The following RIT2 variants were observed in gnomAD, a reference collection of about 807,000 sequenced individuals.
The protein encoded by RIT2 is GTP-binding protein Rit2.
In RIT2, 24 loss-of-function variants were observed where a neutral mutation model predicts 23.7. The observed-to-expected ratio is 1.01, with a 90% confidence interval of 0.73 to 1.43. RIT2 has a LOEUF of 1.43. Among genes scored for constraint, RIT2 ranks in the 40% most tolerant of loss-of-function variants. The pLI, the probability that RIT2 is intolerant of heterozygous loss-of-function variation, is 0.00. For synonymous variants in RIT2, 107 were observed against 91.1 expected, an observed-to-expected ratio of 1.17 and a Z score of -0.99; for missense variants, 236 against 266.9, an observed-to-expected ratio of 0.88 and a Z score of 0.81.
chr18:43,108,217 T>C (rs1913875007), intron 1 of RIT2, among the ~76,000 whole-genome samples: 1 of 150,808 alleles, frequency 6.6e-6, no homozygotes, highest in African/African-American at 2.4e-5. Flanking sequence ...TCAGGTTCAC[T>C]GTATCATGTC....
At chr18:42,887,627 T>C (rs1908057984) in intron 4 of RIT2, among the ~76,000 whole-genome samples, 1 of 152,192 alleles carries the variant, frequency 6.6e-6, no homozygotes, top group African/African-American at 2.4e-5. Context: ...TTAAGCATAC[T>C]CTTGTCATGC....
intron 1 of RIT2, among the ~76,000 whole-genome samples, chr18:43,085,508 C>T (rs1012058788): frequency 6.6e-6 from 1 of 152,096 alleles, no homozygotes; most frequent in Non-Finnish European, 1.5e-5. Flanking sequence ...CATTCTTCTC[C>T]TTTCCTACCA....
At chr18:42,853,077 G>A (rs189154347) in intron 4 of RIT2, among the ~76,000 whole-genome samples, 3 of 152,122 alleles carry the variant, frequency 2.0e-5, no homozygotes, top group Non-Finnish European at 1.5e-5. Context: ...CAGGCGACCC[G>A]CCAGCCTTGG....
intron 4 of RIT2, among the ~76,000 whole-genome samples, chr18:42,919,156 A>T (rs530352436): frequency 6.6e-6 from 1 of 152,314 alleles, no homozygotes; most frequent in East Asian, 1.9e-4. Context: ...GATGCTTGAT[A>T]GAACTCTAAA....
At chr18:43,058,937 C>T (rs1180977816) in intron 1 of RIT2, among the ~76,000 whole-genome samples, 8 of 151,970 alleles carry the variant, frequency 5.3e-5, no homozygotes, top group Non-Finnish European at 1.0e-4. Flanking sequence ...ACCCTTGAGC[C>T]TATTACTAAT....
In RIT2 at chr18:42,838,588, G is replaced by A. The variant is rs759277595; in HGVS notation, c.426+84984C>T. On this transcript the variant is annotated intron_variant, in intron 4 of 4. Coordinates refer to ENST00000326695, the MANE Select transcript of RIT2 (RefSeq NM_002930.4). Reference sequence around the variant, plus strand: ...GAAATTCAAGGAGGTCAAATGACTCGTCCCTGGTCACATAGCTACTAAGAG... The same window carrying A: ...GAAATTCAAGGAGGTCAAATGACTCATCCCTGGTCACATAGCTACTAAGAG... Among the ~76,000 whole-genome samples, 73 of 152,188 alleles carry A rather than the reference G, an allele frequency of 4.8e-4. 1 individual carries two copies. The highest frequency in any genetic ancestry group is 1.5e-3 in the African/African-American group (64 of 41,540).
At chr18:42,965,023 T>C (rs527383769) in intron 3 of RIT2, among the ~76,000 whole-genome samples, 1 of 152,298 alleles carries the variant, frequency 6.6e-6, no homozygotes, top group South Asian at 2.1e-4. Context: ...AACAACACAT[T>C]AATGACATTT....
At position 42,858,053 on chromosome 18, in the gene RIT2, C is replaced by T. The variant is rs532542392; in HGVS notation, c.426+65519G>A. 7.2e-5 allele frequency among the ~76,000 whole-genome samples: 11 copies of T among 152,062 alleles called. 1 individual carries two copies. The South Asian group carries it at 2.1e-3, about 29-fold the overall frequency. On this transcript the variant is annotated intron_variant, in intron 4 of 4. Transcript: ENST00000326695. ...AAAATTAGCTGGGCATGGTGGCGCG[C>T]GCCTGTAATCCCAGCTACTCAGGAG...
intron 1 of RIT2, among the ~76,000 whole-genome samples, chr18:43,073,962 C>A (rs1912954650): frequency 6.6e-6 from 1 of 152,044 alleles, no homozygotes. Flanking sequence ...TTATCAATGA[C>A]ATAGTGGGAG....
chr18:42,993,710 C>G (rs912662424), intron 2 of RIT2, among the ~76,000 whole-genome samples: 1 of 152,032 alleles, frequency 6.6e-6, no homozygotes. Flanking sequence ...TCATTGCCAC[C>G]TTTCCCCCAG....
chr18:42,790,466 G>A (rs1261560871), intron 4 of RIT2, among the ~76,000 whole-genome samples: 5 of 152,030 alleles, frequency 3.3e-5, no homozygotes, highest in Admixed American at 6.6e-5. Context: ...TTTTTGAGAC[G>A]GAGTCTCACT....
At chr18:42,841,307 C>G (rs1906761590) in intron 4 of RIT2, among the ~76,000 whole-genome samples, 1 of 152,154 alleles carries the variant, frequency 6.6e-6, no homozygotes, top group Admixed American at 6.6e-5. Context: ...TGCATAATAG[C>G]AGCTTTTCAT....
At chr18:43,063,171 A>G (rs1221696969) in intron 1 of RIT2, among the ~76,000 whole-genome samples, 2 of 152,196 alleles carry the variant, frequency 1.3e-5, no homozygotes, top group Non-Finnish European at 1.5e-5. Context: ...TTTGAGTAAA[A>G]AAGAGATAAT....
In RIT2 at chr18:42,743,342, A is replaced by C. The variant is rs2144807375; in HGVS notation, c.*151T>G. On this transcript the variant is annotated 3_prime_UTR_variant, in exon 5 of 5. Transcript: ENST00000326695. ...AAAGGCAAAACAAAACTATCTCAAG[A>C]GGTACAGATATGCAGAGCTTGCTTT... 1.6e-6 allele frequency: 1 copy of C among 629,576 alleles called. No homozygotes were observed. The highest frequency in any genetic ancestry group is 2.7e-5 in the East Asian group (1 of 36,726). The allele number at this position is 629,576 out of a possible 1,614,324, so 39.0% of individuals were successfully genotyped here.
At chr18:43,058,976 C>A (rs1912576270) in intron 1 of RIT2, among the ~76,000 whole-genome samples, 1 of 150,710 alleles carries the variant, frequency 6.6e-6, no homozygotes, top group African/African-American at 2.4e-5. Flanking sequence ...CTCCTCAGGA[C>A]CCTCTTGCTT....
chr18:42,878,565 CTGTGTGTG>C (rs71371607), intron 4 of RIT2, among the ~76,000 whole-genome samples: 106 of 147,596 alleles, frequency 7.2e-4, no homozygotes, highest in Middle Eastern at 3.5e-3. Context: ...AGATTCAACT[CTGTGTGTG>C]TGTGTGTGTG....
chr18:42,961,273 A>G, intron 3 of RIT2, among the ~76,000 whole-genome samples: 1 of 152,302 alleles, frequency 6.6e-6, no homozygotes, highest in Non-Finnish European at 1.5e-5. Context: ...TTCATCTCTG[A>G]GTTTAATAAA....
At chr18:43,021,781 T>C (rs1037985980) in intron 2 of RIT2, among the ~76,000 whole-genome samples, 1 of 152,126 alleles carries the variant, frequency 6.6e-6, no homozygotes, top group African/African-American at 2.4e-5. Flanking sequence ...CTATGCAGCA[T>C]GCAGAAATGT....
intron 4 of RIT2, among the ~76,000 whole-genome samples, chr18:42,876,341 C>T (rs1211233133): frequency 6.8e-6 from 1 of 147,516 alleles, no homozygotes; most frequent in Non-Finnish European, 1.5e-5. Flanking sequence ...TTAAACTGTG[C>T]CTGAAACTTT....
Sources: allele counts gnomAD v4.1 joint callset (sites outside exome capture counted in the v4.1 genomes callset), GRCh38; gene constraint gnomAD v4.1.1; transcripts MANE v1.5; gene names NCBI Gene and HGNC (gene_info 2026-07-23, HGNC 2026-07-21).